PDXP: variants seen among roughly 807,000 people sequenced by gnomAD.
PDXP encodes chronophin.
In PDXP, 15 loss-of-function variants were observed where a neutral mutation model predicts 14.4. The ratio of observed to expected loss-of-function variants is 1.04; its 90% CI spans 0.70 to 1.60. The LOEUF (loss-of-function observed/expected upper bound fraction) is 1.60, where lower values mean the gene tolerates loss of function less well. PDXP is among the 40% of genes most tolerant of loss of function. The probability of loss-of-function intolerance (pLI) is 0.00; values close to 1 mark genes in which losing one functional copy is unlikely to be tolerated. For synonymous variants in PDXP, 233 were observed against 205.6 expected (o/e 1.13, Z -1.14); for missense variants, 413 against 427.6 (o/e 0.97, Z 0.30).
In PDXP at chr22:37,666,265, C is replaced by T. The variant is rs1921080785; in HGVS notation, c.*394C>T. ...CCCCTCAGGTCCTGGCCCTTGGGTC[C>T]TTGTCAACCAGAGGTCTAGGGAACC... On this transcript the variant is annotated 3_prime_UTR_variant, in exon 2 of 2. Coordinates refer to ENST00000215904, the MANE Select transcript of PDXP (RefSeq NM_020315.5). The T allele has an allele frequency of 3.6e-6, 1 of 277,908 alleles. No homozygotes were observed. Among genetic ancestry groups the T allele is most frequent in the Middle Eastern group, 1.3e-3 (1 of 748 alleles). 17.2% of individuals were successfully genotyped at this position (277,908 alleles called of 1,614,324 possible).
intron 1 of PDXP, among the ~76,000 whole-genome samples, chr22:37,663,743 T>C (rs1894532): frequency 0.49 from 74,773 of 151,536 alleles, 19,305 homozygotes; most frequent in African/African-American, 0.66. Flanking sequence ...CTTTTGCTCC[T>C]GCCTCCCCTG....
In PDXP at chr22:37,666,043, A is replaced by G. The variant is rs1339136823; in HGVS notation, c.*172A>G. The G allele has an allele frequency of 3.0e-6, 2 of 666,604 alleles. No homozygotes were observed. Among genetic ancestry groups the G allele is most frequent in the Non-Finnish European group, 5.2e-6 (2 of 383,550 alleles). 41.3% of individuals were successfully genotyped at this position (666,604 alleles called of 1,614,324 possible). A position where few individuals can be genotyped will look rare whatever the true frequency, so the allele number is the denominator to read the frequency against. ...AGGGCCCTTGCAACCCCCTCCCAGC[A>G]GTGGCTGGGCACTCTTTGCTGCCCC... On this transcript the variant is annotated 3_prime_UTR_variant, in exon 2 of 2. Transcript: ENST00000215904.
chr22:37,663,712 C>T (rs890491729), intron 1 of PDXP, among the ~76,000 whole-genome samples: 2 of 151,984 alleles, frequency 1.3e-5, no homozygotes, highest in Non-Finnish European at 2.9e-5. Flanking sequence ...TGACTCAAAC[C>T]CTCCACCGTG....
In PDXP at chr22:37,665,960, A is replaced by T; in HGVS notation, c.*89A>T. 1.5e-6 allele frequency: 2 copies of T among 1,350,208 alleles called. No homozygotes were observed. 83.6% of individuals were successfully genotyped at this position (1,350,208 alleles called of 1,614,324 possible). A position where few individuals can be genotyped will look rare whatever the true frequency, so the allele number is the denominator to read the frequency against. Reference sequence around the variant, plus strand: ...ATGGGTCACGAGCCATGTTAAGCACAACCGGCTCCTTGGTCCAGTTCTGCA... The same window carrying T: ...ATGGGTCACGAGCCATGTTAAGCACTACCGGCTCCTTGGTCCAGTTCTGCA... On this transcript the variant is annotated 3_prime_UTR_variant, in exon 2 of 2. Transcript: ENST00000215904.
intron 1 of PDXP, among the ~76,000 whole-genome samples, chr22:37,661,806 T>C (rs1933209473): frequency 6.6e-6 from 1 of 152,056 alleles, no homozygotes; most frequent in African/African-American, 2.4e-5. Flanking sequence ...GTTGGGGCCA[T>C]TCTTGAGCTC....
chr22:37,659,010 C>A lies in PDXP; in HGVS notation c.228C>A (p.Gly76=). ...TGGCCCTGCGCTTCGCGCGCCTCGG[C>A]TTCGGGGGGCTGCGCGCCGAGCAGC... ...PELALRFARL[G]FGGLRAEQLF... Residue 76 remains glycine, a synonymous_variant, in exon 1 of 2, where the codon GGC becomes GGA. Coordinates refer to ENST00000215904, the MANE Select transcript of PDXP (RefSeq NM_020315.5). 1.7e-6 allele frequency: 2 copies of A among 1,189,446 alleles called. No individual in the cohort carries two copies. Among genetic ancestry groups the A allele is most frequent in the South Asian group, 3.2e-5 (1 of 31,180 alleles). The allele number at this position is 1,189,446 out of a possible 1,614,324, so 73.7% of individuals were successfully genotyped here.
rs1933137249 is a variant in PDXP, at chr22:37,658,899, C to A, written c.117C>A (p.Gly39=). 2.5e-6 allele frequency: 3 copies of A among 1,223,656 alleles called. No homozygotes were observed. Among genetic ancestry groups the A allele is most frequent in the African/African-American group, 3.1e-5 (2 of 63,596 alleles). The allele number at this position is 1,223,656 out of a possible 1,614,324, so 75.8% of individuals were successfully genotyped here. ...VLWNGERAVP[G]APELLERLAR... ...GGAACGGCGAGCGCGCCGTGCCGGGCGCCCCGGAGCTGCTGGAGCGGCTGG... is the reference window on the plus strand; with the variant it reads ...GGAACGGCGAGCGCGCCGTGCCGGGAGCCCCGGAGCTGCTGGAGCGGCTGG... Residue 39 remains glycine, a synonymous_variant, in exon 1 of 2, where the codon GGC becomes GGA. Coordinates refer to ENST00000215904, the MANE Select transcript of PDXP (RefSeq NM_020315.5).
intron 1 of PDXP, 95 bp from the exon 2 acceptor site, chr22:37,665,460 G>A (rs1921039130): frequency 2.0e-6 from 2 of 1,015,908 alleles, no homozygotes; most frequent in African/African-American, 1.6e-5. Flanking sequence ...CAGCCGATTT[G>A]ACCCTGGCAC....
chr22:37,661,496 G>A lies in PDXP; in HGVS notation c.574+2140G>A, dbSNP rs536979805. 5.9e-5 allele frequency among the ~76,000 whole-genome samples: 9 copies of A among 152,278 alleles called. No individual in the cohort carries two copies. The East Asian group carries it at 1.3e-3, about 23-fold the overall frequency. On this transcript the variant is annotated intron_variant, in intron 1 of 1. Transcript: ENST00000215904. ...TGTGTGTTTATCTTGTCACCACATG[G>A]CAGCCACTTGAGCTGACAAATAGAA...
intron 1 of PDXP, among the ~76,000 whole-genome samples, chr22:37,663,287 G>A (rs1320436390): frequency 7.0e-6 from 1 of 143,304 alleles, no homozygotes; most frequent in Non-Finnish European, 1.5e-5. Flanking sequence ...CTGGGCAACA[G>A]AGCGAGACTC....
intron 1 of PDXP, among the ~76,000 whole-genome samples, chr22:37,661,343 TGTG>T (rs1394314804): frequency 3.7e-5 from 3 of 80,822 alleles, no homozygotes; most frequent in Admixed American, 1.3e-4. Context: ...TGTGGTGTGG[TGTG>T]GTGTGTGTGT....
rs1224940995 is a variant in PDXP at position 37,659,347 on chromosome 22, C to G, written c.565C>G (p.Arg189Gly). Residue 189 changes from arginine (R) to glycine (G), a missense_variant, in exon 1 of 2, where the codon CGG (arginine) becomes GGG (glycine). Arg to Gly is a moderately radical substitution (Grantham distance 125). Coordinates refer to ENST00000215904, the MANE Select transcript of PDXP (RefSeq NM_020315.5). ...ATGGCACCCGCTGAGCGACGGCAGCCGGACCCCTGGTGAGCGCGGGAATGG... is the reference window on the plus strand; with the variant it reads ...ATGGCACCCGCTGAGCGACGGCAGCGGGACCCCTGGTGAGCGCGGGAATGG... ...DPWHPLSDGS[R>G]TPGTGSLAAA... 6.0e-5 allele frequency: 78 copies of G among 1,300,178 alleles called. 1 individual carries two copies. The highest frequency in any genetic ancestry group is 7.5e-5 in the Non-Finnish European group (77 of 1,022,278). 80.5% of individuals were successfully genotyped at this position (1,300,178 alleles called of 1,614,324 possible). A position where few individuals can be genotyped will look rare whatever the true frequency, so the allele number is the denominator to read the frequency against.
At chr22:37,661,741 A>T (rs896855865) in intron 1 of PDXP, among the ~76,000 whole-genome samples, 1 of 152,004 alleles carries the variant, frequency 6.6e-6, no homozygotes, top group Admixed American at 6.6e-5. Context: ...TGAATGAAGG[A>T]TGTGGGACAC....
Position 37,665,721 on chromosome 22 carries a change from C to G in PDXP, c.741C>G (p.Gly247=). Reference sequence around the variant, plus strand: ...GCCTGGAGACCGACATCCTCTTTGGCCACCGCTGCGGCATGACCACTGTGC... The same window carrying G: ...GCCTGGAGACCGACATCCTCTTTGGGCACCGCTGCGGCATGACCACTGTGC... The part of the protein sequence containing the change: ...GDRLETDILF[G]HRCGMTTVLT... The change falls in exon 2 of 2, where the codon GGC becomes GGG. Residue 247 remains glycine, a synonymous_variant. Coordinates refer to ENST00000215904, the MANE Select transcript of PDXP (RefSeq NM_020315.5). 6.2e-7 allele frequency: 1 copy of G among 1,614,156 alleles called. No homozygotes were observed. Among genetic ancestry groups the G allele is most frequent in the Non-Finnish European group, 8.5e-7 (1 of 1,180,034 alleles).
chr22:37,662,943 G>A (rs745529873), intron 1 of PDXP, among the ~76,000 whole-genome samples: 7 of 150,112 alleles, frequency 4.7e-5, no homozygotes, highest in Non-Finnish European at 7.4e-5. Flanking sequence ...AGCTGAGATC[G>A]CTCCATTGCA....
At position 37,665,988 on chromosome 22, in the gene PDXP, G is replaced by A. The variant is rs1021263163; in HGVS notation, c.*117G>A. The stretch of plus-strand genomic sequence containing the variant: ...CGGCTCCTTGGTCCAGTTCTGCACC[G>A]GGGTGGGGCTGGGACCCGGGGAAGG... On this transcript the variant is annotated 3_prime_UTR_variant, in exon 2 of 2. Coordinates refer to ENST00000215904, the MANE Select transcript of PDXP (RefSeq NM_020315.5). The A allele has an allele frequency of 3.2e-5, 35 of 1,110,184 alleles. No individual in the cohort carries two copies. The highest frequency in any genetic ancestry group is 1.7e-4 in the African/African-American group (11 of 63,894). The allele number at this position is 1,110,184 out of a possible 1,614,324, so 68.8% of individuals were successfully genotyped here.
chr22:37,664,918 TC>T (rs1921016082), intron 1 of PDXP: 1 of 152,828 alleles, frequency 6.5e-6, no homozygotes, highest in African/African-American at 2.4e-5. Context: ...GTGATCACTT[TC>T]CCGGGGGACG....
rs1363187738 is a variant in PDXP, at chr22:37,659,309, C to G, written c.527C>G (p.Thr176Ser). 2 of 1,304,310 alleles carry G rather than the reference C, an allele frequency of 1.5e-6. No homozygotes were observed. Among genetic ancestry groups the G allele is most frequent in the East Asian group, 5.6e-5 (2 of 35,728 alleles). 80.8% of individuals were successfully genotyped at this position (1,304,310 alleles called of 1,614,324 possible). A position where few individuals can be genotyped will look rare whatever the true frequency, so the allele number is the denominator to read the frequency against. Residue 176 changes from threonine to serine, a missense_variant, in exon 1 of 2, where the codon ACC becomes AGC. By Grantham distance (58) the Thr-to-Ser change is moderately conservative. Transcript: ENST00000215904. ...GACCCCGAGTGCCTACTCGTGGCCA[C>G]CGACCGTGACCCATGGCACCCGCTG... ...LRDPECLLVATDRDPWHPLSD... is the reference protein window; with the variant it reads ...LRDPECLLVASDRDPWHPLSD...
chr22:37,662,851 G>T (rs1933230540), intron 1 of PDXP, among the ~76,000 whole-genome samples: 1 of 151,932 alleles, frequency 6.6e-6, no homozygotes. Context: ...AGCTGGGTGT[G>T]GTGACACGCG....
Sources: gnomAD v4.1 joint callset for allele counts (sites outside exome capture counted in the v4.1 genomes callset) on GRCh38, gnomAD v4.1.1 for gene constraint, MANE v1.5 for transcripts, NCBI Gene and HGNC (gene_info 2026-07-23, HGNC 2026-07-21) for gene names.